Variants in PRRC2C observed in about 807,000 individuals in gnomAD.
PRRC2C encodes protein PRRC2C.
Under a neutral mutation model 317.2 loss-of-function variants are expected in PRRC2C, and 72 were observed. That is an observed-to-expected ratio of 0.23 (90% confidence interval 0.19 to 0.28). The LOEUF is 0.28. Ranked by LOEUF, PRRC2C falls within the 10% of genes least tolerant of loss-of-function variation. PRRC2C has a pLI of 1.00. For synonymous variants in PRRC2C, 1,296 were observed against 1,205.9 expected (o/e 1.07, Z -1.55); for missense variants, 3,074 against 3,459.7 (o/e 0.89, Z 2.80).
At chr1:171,572,344 C>T (rs1326361897) in intron 24 of PRRC2C, among the ~76,000 whole-genome samples, 1 of 151,950 alleles carries the variant, frequency 6.6e-6, no homozygotes, top group Admixed American at 6.6e-5. Context: ...GTTCATAATC[C>T]AGGGAAGTTC....
At chr1:171,488,334 A>T (rs951820483) in intron 1 of PRRC2C, among the ~76,000 whole-genome samples, 6 of 152,224 alleles carry the variant, frequency 3.9e-5, no homozygotes, top group Non-Finnish European at 5.9e-5. Context: ...AGGACAACAC[A>T]ATGAAAGCTT....
intron 24 of PRRC2C, among the ~76,000 whole-genome samples, chr1:171,573,240 C>T (rs1228938764): frequency 6.6e-6 from 1 of 152,134 alleles, no homozygotes; most frequent in Non-Finnish European, 1.5e-5. Context: ...TTTAGTTTCA[C>T]TGAATTTCCG....
In PRRC2C at chr1:171,566,771, A is replaced by G; in HGVS notation, c.6486A>G (p.Ala2162=). 6.2e-7 allele frequency: 1 copy of G among 1,613,894 alleles called. No individual in the cohort carries two copies. Among genetic ancestry groups the G allele is most frequent in the Non-Finnish European group, 8.5e-7 (1 of 1,179,846 alleles). Residue 2162 remains alanine (A), a synonymous_variant, in exon 22 of 35, where the codon GCA becomes GCG. Transcript: ENST00000647382. ...CTGTCACGACAAAGGAGACTAAAGC[A>G]GTCTCAGAAATGTCTACTGAAATAG... ...TDPVTTKETK[A]VSEMSTEIGT... is the part of the protein sequence containing the mutation.
chr1:171,517,496 T>C (rs1253445263), intron 5 of PRRC2C, 95 bp from the exon 6 acceptor site: 20 of 1,140,948 alleles, frequency 1.8e-5, no homozygotes, highest in Non-Finnish European at 2.5e-5. Flanking sequence ...TTCACTCTGC[T>C]TACTTGCTTT....
At chr1:171,534,307 A>G (rs777377603) in intron 12 of PRRC2C, among the ~76,000 whole-genome samples, 1 of 152,204 alleles carries the variant, frequency 6.6e-6, no homozygotes, top group East Asian at 1.9e-4. Context: ...GATTGCTCAT[A>G]ACACCAAAAT....
chr1:171,545,801 A>G (rs1679012199), intron 17 of PRRC2C, 114 bp downstream of exon 17: 4 of 725,154 alleles, frequency 5.5e-6, no homozygotes, highest in Non-Finnish European at 7.5e-6. Flanking sequence ...CAAGAAGGAA[A>G]GATTTGGACA....
chr1:171,573,710 G>T (rs1033957747), intron 24 of PRRC2C, among the ~76,000 whole-genome samples: 1 of 108,868 alleles, frequency 9.2e-6, no homozygotes. Context: ...TTGGAGCCTC[G>T]TTCTGTCGCC....
chr1:171,572,521 C>G (rs764002823), intron 24 of PRRC2C, among the ~76,000 whole-genome samples: 19 of 152,140 alleles, frequency 1.2e-4, no homozygotes, highest in Non-Finnish European at 2.5e-4. Flanking sequence ...TGCCCAACTT[C>G]TTTGTAAGAG....
At chr1:171,565,097 C>G (rs1470262678) in intron 20 of PRRC2C, among the ~76,000 whole-genome samples, 1 of 152,156 alleles carries the variant, frequency 6.6e-6, no homozygotes, top group Non-Finnish European at 1.5e-5. Flanking sequence ...ATTGTTGTAA[C>G]AAAGCCCTAG....
rs770933124 is a variant in PRRC2C, at chr1:171,587,758, T to C, written c.8072+7T>C. ...CAACATCTAGTCCCTTCCGGTAAAA[T>C]GGGCATTTAAATTTGCTTATGAAAT... On this transcript the variant is annotated splice_region_variant and intron_variant, in intron 32 of 34. Transcript: ENST00000647382. 28 of 1,589,732 alleles carry C rather than the reference T, an allele frequency of 1.8e-5. No homozygotes were observed. The Middle Eastern group carries it at 6.6e-4, about 38-fold the overall frequency.
At position 171,566,263 on chromosome 1, in the gene PRRC2C, G is replaced by A. The variant is rs753843787; in HGVS notation, c.6148G>A (p.Glu2050Lys). 2.1e-5 allele frequency: 34 copies of A among 1,611,284 alleles called. No homozygotes were observed. The highest frequency in any genetic ancestry group is 4.5e-5 in the East Asian group (2 of 44,834). ...GAAGAATGGTCAAGAAAGTGGACTC[G>A]AAATTGGAACTGACACAATTCAGTT... is the stretch of plus-strand genomic sequence containing the variant. ...GAKNGQESGL[E>K]IGTDTIQFGA... The change falls in exon 21 of 35, where the codon GAA becomes AAA. Residue 2050 changes from glutamate (E) to lysine (K), a missense_variant. Coordinates refer to ENST00000647382, the MANE Select transcript of PRRC2C (RefSeq NM_001387844.1).
chr1:171,550,359 T>A (rs1679954010), intron 18 of PRRC2C, 119 bp downstream of exon 18: 2 of 842,566 alleles, frequency 2.4e-6, no homozygotes, highest in Admixed American at 3.6e-5. Flanking sequence ...GTGTTAAAAG[T>A]GACATCATCT....
At chr1:171,584,548 T>G (rs930319918) in intron 30 of PRRC2C, 22 bp downstream of exon 30, 1 of 1,519,950 alleles carries the variant, frequency 6.6e-7, no homozygotes, top group Non-Finnish European at 8.8e-7. Flanking sequence ...CATGGTAAAT[T>G]TCCTCAATTT....
chr1:171,557,110 A>G, intron 18 of PRRC2C, 130 bp from the exon 19 acceptor site: 1 of 1,422,944 alleles, frequency 7.0e-7, no homozygotes, highest in Admixed American at 2.9e-5. Flanking sequence ...CAACCCTGAC[A>G]TTTTGTGGTT....
At chr1:171,571,783 T>TA (rs1039969954) in intron 24 of PRRC2C, among the ~76,000 whole-genome samples, 2 of 152,228 alleles carry the variant, frequency 1.3e-5, no homozygotes, top group Non-Finnish European at 2.9e-5. Context: ...TTATGATTGT[T>TA]ACCAAAATAT....
intron 1 of PRRC2C, among the ~76,000 whole-genome samples, chr1:171,497,211 CTT>C (rs927883685): frequency 1.3e-5 from 2 of 152,138 alleles, no homozygotes; most frequent in Non-Finnish European, 2.9e-5. Flanking sequence ...TTTAGGGTCT[CTT>C]AAGTGACATT....
At chr1:171,543,620 G>C (rs1255542788) in intron 16 of PRRC2C, among the ~76,000 whole-genome samples, 1 of 152,310 alleles carries the variant, frequency 6.6e-6, no homozygotes, top group Non-Finnish European at 1.5e-5. Flanking sequence ...AGCCTGAGCT[G>C]ATAAGAATTT....
chr1:171,571,513 A>G, intron 24 of PRRC2C, 92 bp downstream of exon 24: 2 of 924,218 alleles, frequency 2.2e-6, no homozygotes, highest in Non-Finnish European at 1.7e-6. Flanking sequence ...TACTAGATTT[A>G]TGTGGTAAGC....
chr1:171,528,604 T>C (rs1313168888), intron 11 of PRRC2C, among the ~76,000 whole-genome samples: 1 of 152,178 alleles, frequency 6.6e-6, no homozygotes, highest in Non-Finnish European at 1.5e-5. Context: ...GAAATTCTTT[T>C]AGTGAACTAT....
Sources: allele counts gnomAD v4.1 joint callset (sites outside exome capture counted in the v4.1 genomes callset), GRCh38; gene constraint gnomAD v4.1.1; transcripts MANE v1.5; gene names NCBI Gene and HGNC (gene_info 2026-07-23, HGNC 2026-07-21).